Variants in ZNF157 observed in about 807,000 individuals in gnomAD.
The protein encoded by ZNF157 is zinc finger protein 157, also known as zinc finger protein 22.
ZNF157 carries 8 observed loss-of-function variants against 9.4 expected under a neutral mutation model. That is an observed-to-expected ratio of 0.85 (90% CI 0.50 to 1.53). The LOEUF (loss-of-function observed/expected upper bound fraction) is 1.53. Among genes scored for constraint, ZNF157 ranks in the 40% most tolerant of loss-of-function variants. ZNF157 has a pLI of 0.00. For missense variants in ZNF157, 316 were observed against 385.2 expected, an observed-to-expected ratio of 0.82 and a Z score of 1.50; for synonymous variants, 120 against 130.8, an observed-to-expected ratio of 0.92 and a Z score of 0.56.
At chrX:47,378,641 C>T (rs2055852102) in intron 1 of ZNF157, among the ~76,000 whole-genome samples, 2 of 111,713 alleles carry the variant, frequency 1.8e-5, no homozygotes, top group African/African-American at 6.5e-5. Context: ...AAGTTTGAGA[C>T]CAGCCTGGCC....
At chrX:47,384,921 G>T (rs1569257400) in intron 1 of ZNF157, among the ~76,000 whole-genome samples, 1 of 112,203 alleles carries the variant, frequency 8.9e-6, no homozygotes, top group Non-Finnish European at 1.9e-5. Flanking sequence ...ACAAGAATAT[G>T]CTGCCAGGGG....
intron 1 of ZNF157, among the ~76,000 whole-genome samples, chrX:47,402,028 T>G (rs2055931831): frequency 8.9e-6 from 1 of 111,946 alleles, no homozygotes; most frequent in South Asian, 3.7e-4. Context: ...AGAGCCACCA[T>G]GCCTGACCGA....
At position 47,413,040 on chromosome X, in the gene ZNF157, A is replaced by T. The variant is rs889647655; in HGVS notation, c.967A>T (p.Ile323Phe). 3.3e-6 allele frequency: 4 copies of T among 1,209,717 alleles called. No homozygotes were observed. Among genetic ancestry groups the T allele is most frequent in the Non-Finnish European group, 4.5e-6 (4 of 894,827 alleles). ...GAAATCCCTAAATCAGCATCAAAGAATTCACACAGGTGAGAAACCCTATGA... is the reference window on the plus strand; with the variant it reads ...GAAATCCCTAAATCAGCATCAAAGATTTCACACAGGTGAGAAACCCTATGA... ...AKKSLNQHQR[I>F]HTGEKPYECG... Residue 323 changes from isoleucine (I) to phenylalanine (F), a missense_variant, in exon 4 of 4, where the codon ATT (isoleucine) becomes TTT (phenylalanine). Physicochemically the swap from Ile to Phe is conservative, Grantham distance 21. This residue lies in a region of ZNF157 where 167 missense variants were observed against 183.6 expected (regional missense o/e 0.91). Coordinates refer to ENST00000377073, the MANE Select transcript of ZNF157 (RefSeq NM_003446.4).
intron 1 of ZNF157, among the ~76,000 whole-genome samples, chrX:47,383,096 C>T (rs916226373): frequency 9.1e-6 from 1 of 109,972 alleles, no homozygotes; most frequent in African/African-American, 3.3e-5. Context: ...GATGGCCGGG[C>T]GCAGTGGCTT....
chrX:47,381,347 C>T (rs760374441), intron 1 of ZNF157, among the ~76,000 whole-genome samples: 2 of 111,205 alleles, frequency 1.8e-5, no homozygotes, highest in African/African-American at 6.5e-5. Flanking sequence ...CTGCTCATGT[C>T]TAACTACCTA....
intron 1 of ZNF157, among the ~76,000 whole-genome samples, chrX:47,378,803 A>C (rs1454568601): frequency 9.0e-6 from 1 of 110,986 alleles, no homozygotes; most frequent in Non-Finnish European, 1.9e-5. Context: ...GTGCCACTGC[A>C]CTCCAGCCTG....
Position 47,389,231 on chromosome X carries a change from G to C in ZNF157, c.72+18491G>C, listed in dbSNP as rs767470585. On this transcript the variant is annotated intron_variant, in intron 1 of 3. Transcript: ENST00000377073. ...TTTCTTTTTTCTTTTTTTTGAGACA[G>C]AGTCTTGCTCTGTCGCCCAGGCTGG... Among the ~76,000 whole-genome samples the C allele has an allele frequency of 1.1e-4, 12 of 110,210 alleles. No individual in the cohort carries two copies. In the South Asian group the frequency reaches 4.7e-3, roughly 43 times the overall value.
intron 1 of ZNF157, among the ~76,000 whole-genome samples, chrX:47,409,304 C>T (rs6609498): frequency 0.27 from 29,797 of 111,066 alleles, 3,118 homozygotes; most frequent in South Asian, 0.4. Flanking sequence ...TCCCACAGAA[C>T]AGCACTTCTG....
chrX:47,410,838 G>C (rs752521330), intron 3 of ZNF157, 63 bp downstream of exon 3: 7 of 932,156 alleles, frequency 7.5e-6, no homozygotes, highest in Admixed American at 2.6e-5. Context: ...AGGAATTCAG[G>C]TCAAAGGGTA....
intron 1 of ZNF157, chrX:47,391,380 T>C (rs776309288): frequency 4.1e-4 from 46 of 112,142 alleles, no homozygotes; most frequent in African/African-American, 1.5e-3. Context: ...CAGAAGTGTT[T>C]TGGATTTTTT....
chrX:47,410,994 ATTT>A (rs749589277), intron 3 of ZNF157, among the ~76,000 whole-genome samples: 1 of 101,224 alleles, frequency 9.9e-6, no homozygotes, highest in Non-Finnish European at 2.0e-5. Flanking sequence ...TTTTATCTTG[ATTT>A]TTTTTTTTTT....
At position 47,412,660 on chromosome X, in the gene ZNF157, C is replaced by A. The variant is rs199891642; in HGVS notation, c.587C>A (p.Ala196Glu). 13 of 1,208,958 alleles carry A rather than the reference C, an allele frequency of 1.1e-5. No individual in the cohort carries two copies. In the East Asian group the frequency reaches 3.3e-4, roughly 30 times the overall value. Residue 196 changes from alanine (A) to glutamate (E), a missense_variant, in exon 4 of 4, where the codon GCA becomes GAA. Transcript: ENST00000377073. Reference sequence around the variant, plus strand: ...AGACCCTATGAATGCGGTGAATGTGCAAAAACCTTCAGTGCAAGATCATAC... The same window carrying A: ...AGACCCTATGAATGCGGTGAATGTGAAAAAACCTTCAGTGCAAGATCATAC... The part of the protein sequence containing the change: ...GERPYECGEC[A>E]KTFSARSYLI...
At chrX:47,374,469 G>A (rs1394620620) in intron 1 of ZNF157, among the ~76,000 whole-genome samples, 2 of 102,850 alleles carry the variant, frequency 1.9e-5, no homozygotes, top group Admixed American at 1.1e-4. Flanking sequence ...TGTGATCTTG[G>A]CTCACTGCAA....
chrX:47,397,241 CTTT>C (rs769178786), intron 1 of ZNF157, among the ~76,000 whole-genome samples: 23 of 77,741 alleles, frequency 3.0e-4, no homozygotes, highest in East Asian at 7.7e-4. Flanking sequence ...TTTTTTCTTT[CTTT>C]TTTTTTTTTT....
rs141000476 is a variant in ZNF157, at chrX:47,384,380, A to G, written c.72+13640A>G. Among the ~76,000 whole-genome samples, 513 of 112,152 alleles carry G rather than the reference A, an allele frequency of 4.6e-3. 3 individuals carry two copies. The highest frequency in any genetic ancestry group is 6.6e-3 in the Non-Finnish European group (351 of 53,226). On this transcript the variant is annotated intron_variant, in intron 1 of 3. Coordinates refer to ENST00000377073, the MANE Select transcript of ZNF157 (RefSeq NM_003446.4). Reference sequence around the variant, plus strand: ...ACTCAAACCTGTTGATGAAATCCCAATGGAGGAATGTAAGGGTTGATGGGA... The same window carrying G: ...ACTCAAACCTGTTGATGAAATCCCAGTGGAGGAATGTAAGGGTTGATGGGA...
chrX:47,377,748 T>TAA (rs774493260), intron 1 of ZNF157, among the ~76,000 whole-genome samples: 22 of 96,789 alleles, frequency 2.3e-4, no homozygotes, highest in African/African-American at 4.8e-4. Context: ...TTTTTTTTTT[T>TAA]AAAAAAAACC....
At chrX:47,381,254 C>A (rs747032968) in intron 1 of ZNF157, among the ~76,000 whole-genome samples, 1 of 110,318 alleles carries the variant, frequency 9.1e-6, no homozygotes, top group Non-Finnish European at 1.9e-5. Flanking sequence ...GAGCAGGGAG[C>A]AATTATTATT....
Position 47,370,657 on chromosome X carries a change from C to T in ZNF157, c.-12C>T, listed in dbSNP as rs773396086. ...GTCCAGCACGGAAGGTGGGCTGAGG[C>T]CCAGGGTGAACATGCCAGCTAATGG... On this transcript the variant is annotated 5_prime_UTR_variant, in exon 1 of 4. Transcript: ENST00000377073. 25 of 1,200,959 alleles carry T rather than the reference C, an allele frequency of 2.1e-5. No homozygotes were observed. In the African/African-American group the frequency reaches 3.0e-4, roughly 14 times the overall value.
Position 47,413,771 on chromosome X carries a change from T to C in ZNF157, c.*177T>C, listed in dbSNP as rs2055974756. 3 of 781,844 alleles carry C rather than the reference T, an allele frequency of 3.8e-6. No individual in the cohort carries two copies. The East Asian group carries it at 1.1e-4, about 29-fold the overall frequency. The allele number at this position is 781,844 out of a possible 1,213,427, so 64.4% of individuals were successfully genotyped here. On this transcript the variant is annotated 3_prime_UTR_variant, in exon 4 of 4. Transcript: ENST00000377073. Reference sequence around the variant, plus strand: ...ATTAGTGGTGTGTGAACATCTTATCTGTTGATTGGCTATTTGGGTTTTTTC... The same window carrying C: ...ATTAGTGGTGTGTGAACATCTTATCCGTTGATTGGCTATTTGGGTTTTTTC...
Sources: allele counts gnomAD v4.1 joint callset (sites outside exome capture counted in the v4.1 genomes callset), GRCh38; gene constraint gnomAD v4.1.1; regional missense constraint gnomAD v4.1.1; transcripts MANE v1.5; gene names NCBI Gene and HGNC (gene_info 2026-07-23, HGNC 2026-07-21).